The following FHL5 variants were observed in gnomAD, a reference collection of about 807,000 sequenced individuals.
FHL5 encodes the protein four and a half LIM domains protein 5.
A neutral mutation model predicts 32.0 loss-of-function variants in FHL5; 33 were observed. That is an observed-to-expected ratio of 1.03 (90% confidence interval 0.78 to 1.38). The LOEUF (loss-of-function observed/expected upper bound fraction) is 1.38, where lower values mean the gene tolerates loss of function less well. FHL5 is among the 40% of genes most tolerant of loss of function. FHL5 has a pLI of 0.00. For missense variants in FHL5, 336 were observed against 343.9 expected, an observed-to-expected ratio of 0.98 and a Z score of 0.18; for synonymous variants, 114 against 113.6, an observed-to-expected ratio of 1.00 and a Z score of -0.02.
intron 1 of FHL5, among the ~76,000 whole-genome samples, chr6:96,603,242 G>T (rs2127972127): frequency 6.6e-6 from 1 of 152,248 alleles, no homozygotes; most frequent in Middle Eastern, 3.4e-3. Flanking sequence ...GTTATTAAAA[G>T]CCCTAGCAAC....
chr6:96,605,031 GAT>G, intron 3 of FHL5, 107 bp downstream of exon 3: 2 of 702,248 alleles, frequency 2.8e-6, no homozygotes, highest in South Asian at 5.4e-5. Flanking sequence ...TTTTGAGAAA[GAT>G]ATCTTTCTTA....
chr6:96,594,077 A>G (rs974347900), intron 1 of FHL5, among the ~76,000 whole-genome samples: 1 of 151,278 alleles, frequency 6.6e-6, no homozygotes, highest in African/African-American at 2.4e-5. Context: ...TGAATTCTCT[A>G]TTACAAATAT....
chr6:96,585,661 C>A (rs183321003), intron 1 of FHL5, among the ~76,000 whole-genome samples: 230 of 152,174 alleles, frequency 1.5e-3, no homozygotes, highest in Middle Eastern at 3.4e-3. Context: ...CAAAAAGCTG[C>A]AATCAAATCA....
rs1384055741 is a variant in FHL5 at position 96,589,151 on chromosome 6, T to C, written c.-12-14451T>C. 1.3e-5 allele frequency among the ~76,000 whole-genome samples: 2 copies of C among 152,084 alleles called. 1 individual carries two copies. The highest frequency in any genetic ancestry group is 6.5e-3 in the Middle Eastern group (2 of 310). ...CCATTTTTGACATATCACATTTTCA[T>C]ATATGCATAGATCTGATTTGATTCT... is the stretch of plus-strand genomic sequence containing the variant. On this transcript the variant is annotated intron_variant, in intron 1 of 5. Coordinates refer to ENST00000450218, the MANE Select transcript of FHL5 (RefSeq NM_001322466.2).
intron 1 of FHL5, among the ~76,000 whole-genome samples, chr6:96,576,248 C>T (rs1013735435): frequency 1.3e-5 from 2 of 152,238 alleles, no homozygotes; most frequent in African/African-American, 4.8e-5. Flanking sequence ...TCATTCTTCT[C>T]TCACTCTCTT....
intron 1 of FHL5, among the ~76,000 whole-genome samples, chr6:96,596,426 C>G (rs563914739): frequency 1.3e-5 from 2 of 152,222 alleles, no homozygotes; most frequent in Non-Finnish European, 1.5e-5. Context: ...AATTTAGTGT[C>G]TCCAAACTAT....
At chr6:96,594,246 TATATATATATATATATATATATATA>T (rs1770985463) in intron 1 of FHL5, among the ~76,000 whole-genome samples, 2 of 107,220 alleles carry the variant, frequency 1.9e-5, no homozygotes, top group Non-Finnish European at 4.2e-5. Context: ...TATATATATA[TATATATATATATATATATATATATA>T]TATGTATGTA....
chr6:96,574,082 C>T (rs1770538097), intron 1 of FHL5, among the ~76,000 whole-genome samples: 2 of 152,008 alleles, frequency 1.3e-5, no homozygotes, highest in Non-Finnish European at 2.9e-5. Flanking sequence ...TTCTATTTCA[C>T]ACTTTTTTTC....
intron 3 of FHL5, among the ~76,000 whole-genome samples, chr6:96,605,573 T>C (rs1169580160): frequency 5.9e-5 from 9 of 152,172 alleles, no homozygotes; most frequent in African/African-American, 1.2e-4. Context: ...CTTGTAATGA[T>C]TATTATGGCC....
At chr6:96,606,544 G>T (rs1771285530) in intron 4 of FHL5, among the ~76,000 whole-genome samples, 1 of 151,966 alleles carries the variant, frequency 6.6e-6, no homozygotes, top group South Asian at 2.1e-4. Flanking sequence ...TAGAGACAGG[G>T]TTTCACCATG....
chr6:96,610,738 C>T lies in FHL5; in HGVS notation c.671C>T (p.Ala224Val), dbSNP rs143652914. 5.0e-6 allele frequency: 8 copies of T among 1,612,876 alleles called. No homozygotes were observed. In the African/African-American group the frequency reaches 1.1e-4, roughly 22 times the overall value. ...CATCTTTATGCCAACAAGTGTGTAG[C>T]CTGTTCCAAACCCATTAGTGGTGAG... The part of the protein sequence containing the change: ...YNHLYANKCV[A>V]CSKPISGLTG... Residue 224 changes from alanine (A) to valine (V), a missense_variant, in exon 5 of 6, where the codon GCC becomes GTC. Physicochemically the swap from Ala to Val is moderately conservative, Grantham distance 64 (BLOSUM62 0). Coordinates refer to ENST00000450218, the MANE Select transcript of FHL5 (RefSeq NM_001322466.2).
intron 1 of FHL5, among the ~76,000 whole-genome samples, chr6:96,585,918 A>G (rs1198141496): frequency 6.6e-6 from 1 of 152,212 alleles, no homozygotes; most frequent in Non-Finnish European, 1.5e-5. Flanking sequence ...TTATTTGCAC[A>G]ATGCTGTGTT....
intron 1 of FHL5, among the ~76,000 whole-genome samples, chr6:96,583,357 A>C (rs1770732109): frequency 6.6e-6 from 1 of 152,168 alleles, no homozygotes; most frequent in Non-Finnish European, 1.5e-5. Flanking sequence ...TTACAGACTA[A>C]TAATAAATGT....
At chr6:96,614,234 A>G (rs1771470236) in intron 5 of FHL5, among the ~76,000 whole-genome samples, 1 of 146,074 alleles carries the variant, frequency 6.8e-6, no homozygotes, top group Admixed American at 6.8e-5. Flanking sequence ...AAAATGCTAG[A>G]CATGTAATAA....
intron 1 of FHL5, among the ~76,000 whole-genome samples, chr6:96,586,949 A>G (rs955334401): frequency 6.6e-6 from 1 of 152,216 alleles, no homozygotes; most frequent in Non-Finnish European, 1.5e-5. Context: ...GAGATGAAAC[A>G]CGGCTTTGCC....
intron 1 of FHL5, among the ~76,000 whole-genome samples, chr6:96,589,340 T>C (rs1770867871): frequency 6.6e-6 from 1 of 152,138 alleles, no homozygotes; most frequent in South Asian, 2.1e-4. Context: ...TTTTGAATAT[T>C]GTATTTTTTT....
rs996211179 is a variant in FHL5 at position 96,617,456 on chromosome 6, A to G, written c.*1684A>G. Among the ~76,000 whole-genome samples, 2 of 152,260 alleles carry G rather than the reference A, an allele frequency of 1.3e-5. No homozygotes were observed. The highest frequency in any genetic ancestry group is 4.8e-5 in the African/African-American group (2 of 41,472). On this transcript the variant is annotated 3_prime_UTR_variant, in exon 6 of 6. Coordinates refer to ENST00000450218, the MANE Select transcript of FHL5 (RefSeq NM_001322466.2). ...CGATGTTAATAATTTAGAGATACTA[A>G]TAAGTGTTCTGCTAGATAGACTATT...
In FHL5 at chr6:96,610,594, C is replaced by T. The variant is rs1189996972; in HGVS notation, c.527C>T (p.Thr176Ile). 3.7e-6 allele frequency: 6 copies of T among 1,613,738 alleles called. No homozygotes were observed. Among genetic ancestry groups the T allele is most frequent in the Admixed American group, 3.3e-5 (2 of 59,992 alleles). ...CAGGTGATAACTTCAGGTGGGATAA[C>T]ATTTTGTGACCAGCTATGGCATAAA... Reference protein sequence around the residue: ...CKKVITSGGITFCDQLWHKEC... With the variant: ...CKKVITSGGIIFCDQLWHKEC... Residue 176 changes from threonine (T) to isoleucine (I), a missense_variant, in exon 5 of 6, where the codon ACA (threonine) becomes ATA (isoleucine). By Grantham distance (89) the Thr-to-Ile change is moderately conservative. Coordinates refer to ENST00000450218, the MANE Select transcript of FHL5 (RefSeq NM_001322466.2).
intron 1 of FHL5, among the ~76,000 whole-genome samples, chr6:96,564,030 G>T (rs192529693): frequency 6.6e-6 from 1 of 152,288 alleles, no homozygotes; most frequent in Admixed American, 6.5e-5. Flanking sequence ...TCCCATATGT[G>T]TTAATGCTTT....
Sources: allele counts gnomAD v4.1 joint callset (sites outside exome capture counted in the v4.1 genomes callset), GRCh38; gene constraint gnomAD v4.1.1; transcripts MANE v1.5; gene names NCBI Gene and HGNC (gene_info 2026-07-23, HGNC 2026-07-21).